ROBO1: variants seen among roughly 807,000 people sequenced by gnomAD.
ROBO1 encodes the protein roundabout guidance receptor 1.
In ROBO1, 149 loss-of-function variants were observed where a neutral mutation model predicts 195.9. That is an observed-to-expected ratio of 0.76 (90% CI 0.67 to 0.87). The LOEUF is 0.87. Among genes scored for constraint, ROBO1 ranks in the 40% least tolerant of loss-of-function variants. The probability of loss-of-function intolerance (pLI) is 0.00; values close to 1 mark genes in which losing one functional copy is unlikely to be tolerated. For missense variants in ROBO1, 1,933 were observed against 2,068.3 expected (o/e 0.93, Z 1.27); for synonymous variants, 816 against 733.2 (o/e 1.11, Z -1.82).
At chr3:78,956,240 G>C (rs1266716747) in intron 3 of ROBO1, among the ~76,000 whole-genome samples, 1 of 151,984 alleles carries the variant, frequency 6.6e-6, no homozygotes, top group Non-Finnish European at 1.5e-5. Context: ...CAAATGTCTA[G>C]TTGATCTAAT....
intron 4 of ROBO1, among the ~76,000 whole-genome samples, chr3:78,889,942 A>G (rs2036792756): frequency 6.6e-6 from 1 of 151,890 alleles, no homozygotes; most frequent in Non-Finnish European, 1.5e-5. Context: ...TTGTACTCAA[A>G]TGTCACTCTC....
chr3:79,176,873 T>G (rs1274145875), intron 2 of ROBO1, among the ~76,000 whole-genome samples: 1 of 152,206 alleles, frequency 6.6e-6, no homozygotes, highest in African/African-American at 2.4e-5. Context: ...GAATATGAAG[T>G]CTTATTATTA....
chr3:79,754,665 G>GC lies in ROBO1; in HGVS notation c.-51+13086dup, dbSNP rs1704292830. On this transcript the variant is annotated intron_variant, in intron 1 of 30. Transcript: ENST00000464233. The stretch of plus-strand genomic sequence containing the variant: ...GAAGGAATAGGATGAAATATAAAGT[G>GC]CCTGGACCGCAGAAAAACAGGCAAG... Among the ~76,000 whole-genome samples the GC allele has an allele frequency of 2.0e-5, 3 of 152,104 alleles. No homozygotes were observed. The South Asian group carries it at 6.2e-4, about 32-fold the overall frequency.
chr3:79,328,772 C>T lies in ROBO1; in HGVS notation c.89-203233G>A, dbSNP rs373899317. On this transcript the variant is annotated intron_variant, in intron 2 of 30. Coordinates refer to ENST00000464233, the MANE Select transcript of ROBO1 (RefSeq NM_002941.4). ...AACGTGTAGGCTTTTATCCCTCACC[C>T]TCTCCCACCTTTCCCCCGTCACCCC... Among the ~76,000 whole-genome samples, 12 of 152,098 alleles carry T rather than the reference C, an allele frequency of 7.9e-5. No homozygotes were observed. In the South Asian group the frequency reaches 2.5e-3, roughly 32 times the overall value.
rs770674973 is a variant in ROBO1, at chr3:78,639,731, C to G, written c.3037+13G>C. On this transcript the variant is annotated intron_variant, in intron 22 of 30. Transcript: ENST00000464233. ...AAAGCTTATACATATCAGGCTCTCTCTGTGTCCCTAACCTGGGCGACTGTA... is the reference window on the plus strand; with the variant it reads ...AAAGCTTATACATATCAGGCTCTCTGTGTGTCCCTAACCTGGGCGACTGTA... 2 of 1,608,856 alleles carry G rather than the reference C, an allele frequency of 1.2e-6. No homozygotes were observed. The highest frequency in any genetic ancestry group is 4.5e-5 in the East Asian group (2 of 44,766).
At chr3:79,006,543 A>T (rs930165856) in intron 3 of ROBO1, among the ~76,000 whole-genome samples, 1 of 152,054 alleles carries the variant, frequency 6.6e-6, no homozygotes, top group African/African-American at 2.4e-5. Flanking sequence ...TCAACTACCC[A>T]TATTTATTGG....
At chr3:78,657,321 C>G in intron 17 of ROBO1, 52 bp from the exon 18 acceptor site, 1 of 1,576,320 alleles carries the variant, frequency 6.3e-7, no homozygotes, top group Non-Finnish European at 8.7e-7. Context: ...TAAATGAATG[C>G]AAAGATCAAC....
At chr3:78,988,158 C>T (rs1309628569) in intron 3 of ROBO1, among the ~76,000 whole-genome samples, 1 of 152,062 alleles carries the variant, frequency 6.6e-6, no homozygotes, top group African/African-American at 2.4e-5. Context: ...GTCATTTTCA[C>T]TTGAGTGGAC....
intron 2 of ROBO1, among the ~76,000 whole-genome samples, chr3:79,557,760 A>ATTTTTTTTTTT (rs1167224169): frequency 1.4e-5 from 2 of 145,274 alleles, no homozygotes; most frequent in African/African-American, 2.6e-5. Flanking sequence ...ATATATATAT[A>ATTTTTTTTTTT]TATATTTTAT....
intron 2 of ROBO1, among the ~76,000 whole-genome samples, chr3:79,395,829 C>T (rs1197195550): frequency 6.6e-6 from 1 of 151,960 alleles, no homozygotes; most frequent in Non-Finnish European, 1.5e-5. Flanking sequence ...AACTAACCCT[C>T]TCTCAATGGA....
chr3:79,477,768 A>G lies in ROBO1; in HGVS notation c.88+112056T>C, dbSNP rs1350283707. On this transcript the variant is annotated intron_variant, in intron 2 of 30. Coordinates refer to ENST00000464233, the MANE Select transcript of ROBO1 (RefSeq NM_002941.4). ...ACAACTTTAAAACACACTTTTCTTT[A>G]AAAATCAAGTTTAGGTACATTATGT... is the stretch of plus-strand genomic sequence containing the variant. Among the ~76,000 whole-genome samples, 7 of 152,184 alleles carry G rather than the reference A, an allele frequency of 4.6e-5. No individual in the cohort carries two copies. In the East Asian group the frequency reaches 1.3e-3, roughly 29 times the overall value.
chr3:78,787,992 T>G (rs1161324475), intron 4 of ROBO1, among the ~76,000 whole-genome samples: 1 of 135,060 alleles, frequency 7.4e-6, no homozygotes, highest in South Asian at 2.5e-4. Flanking sequence ...CAGGCTGGAG[T>G]GCAGGGGCAC....
At chr3:78,987,887 C>T (rs916791846) in intron 3 of ROBO1, among the ~76,000 whole-genome samples, 3 of 151,998 alleles carry the variant, frequency 2.0e-5, no homozygotes, top group African/African-American at 4.8e-5. Context: ...AATACATACA[C>T]CTACTATGTA....
intron 2 of ROBO1, among the ~76,000 whole-genome samples, chr3:79,140,532 T>TA (rs1365113994): frequency 6.6e-6 from 1 of 152,122 alleles, no homozygotes; most frequent in Non-Finnish European, 1.5e-5. Flanking sequence ...TACTTATTTA[T>TA]AAAATCTTAT....
intron 3 of ROBO1, among the ~76,000 whole-genome samples, chr3:79,062,164 A>T (rs2108406318): frequency 6.6e-6 from 1 of 152,240 alleles, no homozygotes; most frequent in South Asian, 2.1e-4. Context: ...GAAAAAAAAC[A>T]AACCCATCAA....
intron 16 of ROBO1, chr3:78,660,144 C>A (rs1412606592): frequency 1.1e-5 from 2 of 175,166 alleles, no homozygotes; most frequent in Non-Finnish European, 2.5e-5. Context: ...TGGTCTCGAA[C>A]TCGTGACTTC....
chr3:79,632,292 T>C (rs1287635488), intron 1 of ROBO1, among the ~76,000 whole-genome samples: 2 of 152,172 alleles, frequency 1.3e-5, no homozygotes, highest in East Asian at 3.9e-4. Context: ...TGGAATACTA[T>C]GCAGCCACAA....
In ROBO1 at chr3:79,651,619, G is replaced by A. The variant is rs1946010789; in HGVS notation, c.-50-61658C>T. ...GTCAGCAACCTCTTAGCCTTAGTCTGCAACGCTAGCACCCCGGGAGACCAG... is the reference window on the plus strand; with the variant it reads ...GTCAGCAACCTCTTAGCCTTAGTCTACAACGCTAGCACCCCGGGAGACCAG... On this transcript the variant is annotated intron_variant, in intron 1 of 30. Transcript: ENST00000464233. Among the ~76,000 whole-genome samples the A allele has an allele frequency of 1.3e-5, 2 of 152,116 alleles. 1 individual carries two copies. The highest frequency in any genetic ancestry group is 4.8e-5 in the African/African-American group (2 of 41,434).
At chr3:78,958,819 CTTTTT>C (rs753439088) in intron 3 of ROBO1, among the ~76,000 whole-genome samples, 1 of 130,604 alleles carries the variant, frequency 7.7e-6, no homozygotes, top group African/African-American at 2.9e-5. Flanking sequence ...CTTTCTTCTT[CTTTTT>C]TTTTTTTTTT....
Sources: gnomAD v4.1 joint callset for allele counts (sites outside exome capture counted in the v4.1 genomes callset) on GRCh38, gnomAD v4.1.1 for gene constraint, MANE v1.5 for transcripts, NCBI Gene and HGNC (gene_info 2026-07-23, HGNC 2026-07-21) for gene names.